The following TMBIM1 variants were observed in gnomAD, a reference collection of about 807,000 sequenced individuals.
TMBIM1 encodes the protein transmembrane BAX inhibitor motif containing 1, also known as protein lifeguard 3.
TMBIM1 carries 34 observed loss-of-function variants against 45.1 expected under a neutral mutation model. The observed-to-expected ratio is 0.75, with a 90% CI of 0.57 to 1.00. The LOEUF is 1.00. TMBIM1 is among the 50% of genes least tolerant of loss of function. The probability of loss-of-function intolerance (pLI) is 0.00; values close to 1 mark genes in which losing one functional copy is unlikely to be tolerated. For missense variants in TMBIM1, 374 were observed against 402.4 expected (o/e 0.93, Z 0.60); for synonymous variants, 157 against 153.5 (o/e 1.02, Z -0.17).
intron 10 of TMBIM1, 100 bp from the exon 11 acceptor site, chr2:218,276,179 A>T: frequency 7.7e-7 from 1 of 1,294,666 alleles, no homozygotes; most frequent in Non-Finnish European, 1.1e-6. Context: ...GAGTGGGTAG[A>T]GCTGGGAAGC....
At chr2:218,276,693 C>T (rs928294612) in intron 10 of TMBIM1, among the ~76,000 whole-genome samples, 4 of 152,234 alleles carry the variant, frequency 2.6e-5, no homozygotes, top group Non-Finnish European at 4.4e-5. Context: ...CTCTGGGTTC[C>T]TCTCCCAGTC....
At position 218,277,687 on chromosome 2, in the gene TMBIM1, G is replaced by C. The variant is rs778083787; in HGVS notation, c.514-17C>G. 2.5e-6 allele frequency: 4 copies of C among 1,613,996 alleles called. No homozygotes were observed. The African/African-American group carries it at 4.0e-5, about 16-fold the overall frequency. On this transcript the variant is annotated splice_polypyrimidine_tract_variant and intron_variant, in intron 7 of 11. Coordinates refer to ENST00000258412, the MANE Select transcript of TMBIM1 (RefSeq NM_022152.6). ...GGCAAAAGTCTAAGGGAAGGAGAGA[G>C]ACAAGAATGAAACACTTAAAAAGGA...
Position 218,281,944 on chromosome 2 carries a change from G to C in TMBIM1, c.198C>G (p.Asn66Lys), listed in dbSNP as rs1435760104. 1 of 1,595,770 alleles carries C rather than the reference G, an allele frequency of 6.3e-7. No homozygotes were observed. The highest frequency in any genetic ancestry group is 2.3e-5 in the East Asian group (1 of 44,100). Residue 66 changes from asparagine (N) to lysine (K), a missense_variant, in exon 2 of 12, where the codon AAC becomes AAG. Coordinates refer to ENST00000258412, the MANE Select transcript of TMBIM1 (RefSeq NM_022152.6). ...PMPPTHPMPM[N>K]YGPGHGYDGE... ...ATCTGCCCTTCCAGGACTCACCGTA[G>C]TTCATGGGCATCGGGTGGGTGGGGG...
At chr2:218,277,695 T>G in intron 7 of TMBIM1, 25 bp from the exon 8 acceptor site, 1 of 1,613,938 alleles carries the variant, frequency 6.2e-7, no homozygotes, top group East Asian at 2.2e-5. Context: ...GAGACAAGAA[T>G]GAAACACTTA....
At chr2:218,279,980 A>G in intron 3 of TMBIM1, 46 bp downstream of exon 3, 1 of 1,487,094 alleles carries the variant, frequency 6.7e-7, no homozygotes, top group Non-Finnish European at 9.4e-7. Flanking sequence ...CCATTCCCAC[A>G]GCCTGAGGGG....
At chr2:218,284,927 T>TA (rs1692380884) in intron 1 of TMBIM1, among the ~76,000 whole-genome samples, 1 of 152,042 alleles carries the variant, frequency 6.6e-6, no homozygotes, top group South Asian at 2.1e-4. Context: ...CCGTCTCTAC[T>TA]AAAAATATAA....
chr2:218,275,250 T>C lies in TMBIM1; in HGVS notation c.*225A>G. ...GAAGACACATCTTCAGCCTAGTCCC[T>C]GCCAAGCCCACCAAGAGCAACAGTT... On this transcript the variant is annotated 3_prime_UTR_variant, in exon 12 of 12. Coordinates refer to ENST00000258412, the MANE Select transcript of TMBIM1 (RefSeq NM_022152.6). 2.1e-6 allele frequency: 1 copy of C among 482,080 alleles called. No homozygotes were observed. The highest frequency in any genetic ancestry group is 3.5e-6 in the Non-Finnish European group (1 of 281,836). The allele number at this position is 482,080 out of a possible 1,614,324, so 29.9% of individuals were successfully genotyped here. A position where few individuals can be genotyped will look rare whatever the true frequency, so the allele number is the denominator to read the frequency against.
Position 218,281,965 on chromosome 2 carries a change from G to T in TMBIM1, c.177C>A (p.Pro59=). 6.2e-7 allele frequency: 1 copy of T among 1,601,612 alleles called. No individual in the cohort carries two copies. The highest frequency in any genetic ancestry group is 2.3e-5 in the East Asian group (1 of 44,382). The change falls in exon 2 of 12, where the codon CCC becomes CCA. Residue 59 remains proline, a synonymous_variant. Coordinates refer to ENST00000258412, the MANE Select transcript of TMBIM1 (RefSeq NM_022152.6). ...HPAGYPQPMP[P]THPMPMNYGP... ...CGTAGTTCATGGGCATCGGGTGGGT[G>T]GGGGGCATGGGCTGTGGGTAGCCAG...
Position 218,277,005 on chromosome 2 carries a change from T to C in TMBIM1, c.734A>G (p.Tyr245Cys). ...CCCCAGCTCTCCTGGGACACTCACGTATTGGAAGTAGAGCACAATGCTAGT... is the reference window on the plus strand; with the variant it reads ...CCCCAGCTCTCCTGGGACACTCACGCATTGGAAGTAGAGCACAATGCTAGT... The part of the protein sequence containing the change: ...IVTSIVLYFQ[Y>C]VYWLHMLYAA... Residue 245 changes from tyrosine to cysteine, a missense_variant and splice_region_variant, in exon 10 of 12, where the codon TAC (tyrosine) becomes TGC (cysteine). By Grantham distance (194) the Tyr-to-Cys change is radical. Transcript: ENST00000258412. 1 of 1,613,358 alleles carries C rather than the reference T, an allele frequency of 6.2e-7. No homozygotes were observed. Among genetic ancestry groups the C allele is most frequent in the Non-Finnish European group, 8.5e-7 (1 of 1,179,394 alleles).
At chr2:218,279,263 G>C (rs763159412) in intron 4 of TMBIM1, 26 bp downstream of exon 4, 6 of 1,566,124 alleles carry the variant, frequency 3.8e-6, no homozygotes, top group Non-Finnish European at 5.2e-6. Flanking sequence ...GGCAGTAGGA[G>C]TGGGTGGCAA....
rs745962787 is a variant in TMBIM1 at position 218,275,406 on chromosome 2, A to G, written c.*69T>C. The G allele has an allele frequency of 6.5e-7, 1 of 1,539,314 alleles. No individual in the cohort carries two copies. Among genetic ancestry groups the G allele is most frequent in the Non-Finnish European group, 8.7e-7 (1 of 1,146,794 alleles). ...GAAAGGGGCCTAAAGCCCAGACCAC[A>G]GTCATAGGGCCCAGCCCTCTAGCTT... On this transcript the variant is annotated 3_prime_UTR_variant, in exon 12 of 12. Coordinates refer to ENST00000258412, the MANE Select transcript of TMBIM1 (RefSeq NM_022152.6).
In TMBIM1 at chr2:218,280,107, A is replaced by G; in HGVS notation, c.222T>C (p.Asp74=). ...PMNYGPGHGY[D]GEERAVSDSF... ...TATCACTCACTGCTCTCTCCTCCCC[A>G]TCATAGCCATGGCCTGGGCCTAGGG... Residue 74 remains aspartate (D), a synonymous_variant, in exon 3 of 12, where the codon GAT becomes GAC. Coordinates refer to ENST00000258412, the MANE Select transcript of TMBIM1 (RefSeq NM_022152.6). 6.2e-7 allele frequency: 1 copy of G among 1,613,896 alleles called. No individual in the cohort carries two copies. The highest frequency in any genetic ancestry group is 8.5e-7 in the Non-Finnish European group (1 of 1,179,800).
At chr2:218,278,273 A>G (rs1485141963) in intron 6 of TMBIM1, 6 of 607,698 alleles carry the variant, frequency 9.9e-6, no homozygotes, top group Non-Finnish European at 1.7e-5. Flanking sequence ...GGTTCTTCCT[A>G]TTTGTTAACT....
intron 1 of TMBIM1, among the ~76,000 whole-genome samples, chr2:218,282,823 A>G (rs1050001551): frequency 6.6e-6 from 1 of 152,196 alleles, no homozygotes; most frequent in Non-Finnish European, 1.5e-5. Flanking sequence ...AGTGGGTGGT[A>G]CAGGGGCTGG....
At chr2:218,285,138 G>C (rs988482459) in intron 1 of TMBIM1, among the ~76,000 whole-genome samples, 1 of 152,092 alleles carries the variant, frequency 6.6e-6, no homozygotes, top group African/African-American at 2.4e-5. Context: ...AATGAAACCC[G>C]ACCCCTGATC....
chr2:218,275,159 CT>C lies in TMBIM1; in HGVS notation c.*315del, dbSNP rs1452910873. The C allele has an allele frequency of 8.6e-6, 2 of 232,636 alleles. No homozygotes were observed. Among genetic ancestry groups the C allele is most frequent in the African/African-American group, 2.3e-5 (1 of 44,408 alleles). The allele number at this position is 232,636 out of a possible 1,614,324, so 14.4% of individuals were successfully genotyped here. A position where few individuals can be genotyped will look rare whatever the true frequency, so the allele number is the denominator to read the frequency against. On this transcript the variant is annotated 3_prime_UTR_variant, in exon 12 of 12. Coordinates refer to ENST00000258412, the MANE Select transcript of TMBIM1 (RefSeq NM_022152.6). Reference sequence around the variant, plus strand: ...TTCCCTTCTAGCTATCGAATAGGCTCTTTTCATATTCCTCACAACCCCAGCT... The same window carrying C: ...TTCCCTTCTAGCTATCGAATAGGCTCTTTCATATTCCTCACAACCCCAGCT...
intron 1 of TMBIM1, among the ~76,000 whole-genome samples, chr2:218,282,770 C>A (rs1044077661): frequency 6.6e-6 from 1 of 152,150 alleles, no homozygotes; most frequent in Non-Finnish European, 1.5e-5. Flanking sequence ...TCCAGGGACC[C>A]GGGGGCCAGT....
At position 218,278,584 on chromosome 2, in the gene TMBIM1, G is replaced by A. The variant is rs748844169; in HGVS notation, c.423-19C>T. On this transcript the variant is annotated intron_variant, in intron 5 of 11. Coordinates refer to ENST00000258412, the MANE Select transcript of TMBIM1 (RefSeq NM_022152.6). ...GACAGCACTAGGGACAAAGAGATGG[G>A]GAAGCAGTTCAGGCCCAAATCTGCC... is the stretch of plus-strand genomic sequence containing the variant. 6.2e-7 allele frequency: 1 copy of A among 1,614,072 alleles called. No homozygotes were observed.
chr2:218,282,722 C>T (rs564298283), intron 1 of TMBIM1, among the ~76,000 whole-genome samples: 1 of 152,274 alleles, frequency 6.6e-6, no homozygotes, highest in South Asian at 2.1e-4. Flanking sequence ...ACAAGCTAGC[C>T]CCAGTGCCAG....
Sources: gnomAD v4.1 joint callset for allele counts (sites outside exome capture counted in the v4.1 genomes callset) on GRCh38, gnomAD v4.1.1 for gene constraint, MANE v1.5 for transcripts, NCBI Gene and HGNC (gene_info 2026-07-23, HGNC 2026-07-21) for gene names.